Variants in CDC14A observed in about 807,000 individuals in gnomAD.
CDC14A encodes the protein cell division cycle 14A.
In CDC14A, 53 loss-of-function variants were observed where a neutral mutation model predicts 74.4. The observed-to-expected ratio is 0.71, with a 90% confidence interval of 0.57 to 0.89. The LOEUF is 0.89. CDC14A is among the 40% of genes least tolerant of loss of function. The pLI is 0.00. For synonymous variants in CDC14A, 247 were observed against 258.4 expected (o/e 0.96, Z 0.43); for missense variants, 646 against 713.7 (o/e 0.91, Z 1.08).
chr1:100,351,582 A>T (rs953072175), upstream of CDC14A: 5 of 624,320 alleles, frequency 8.0e-6, no homozygotes, highest in African/African-American at 9.2e-5. Flanking sequence ...CTTTGTGTTA[A>T]CCTTCCTCCT....
chr1:100,428,120 G>C (rs1663176858), intron 5 of CDC14A, among the ~76,000 whole-genome samples: 1 of 152,152 alleles, frequency 6.6e-6, no homozygotes, highest in Non-Finnish European at 1.5e-5. Flanking sequence ...TTCCTACTTA[G>C]ATTCTATTCA....
At chr1:100,495,879 C>G (rs1235364918) in intron 12 of CDC14A, 123 bp from the exon 13 acceptor site, 2 of 755,858 alleles carry the variant, frequency 2.6e-6, no homozygotes, top group East Asian at 2.5e-5. Flanking sequence ...TATCCATTTG[C>G]AAGGTTTCTC....
chr1:100,424,179 G>C (rs773785521), intron 4 of CDC14A, 43 bp from the exon 5 acceptor site: 35 of 1,437,200 alleles, frequency 2.4e-5, no homozygotes, highest in Non-Finnish European at 3.2e-5. Context: ...TTAGTTTTGT[G>C]TCATTCTTGG....
At chr1:100,405,055 A>G (rs1320860433) in intron 4 of CDC14A, among the ~76,000 whole-genome samples, 2 of 152,204 alleles carry the variant, frequency 1.3e-5, no homozygotes, top group Admixed American at 6.5e-5. Flanking sequence ...AATTCTTTCA[A>G]GAGTGGGTGT....
intron 3 of CDC14A, among the ~76,000 whole-genome samples, chr1:100,381,964 T>A (rs886404831): frequency 2.0e-5 from 3 of 152,144 alleles, no homozygotes; most frequent in African/African-American, 7.2e-5. Flanking sequence ...TCATCAATGA[T>A]TGATAGCCTT....
At chr1:100,460,755 C>G (rs1472111524) in intron 8 of CDC14A, among the ~76,000 whole-genome samples, 1 of 152,134 alleles carries the variant, frequency 6.6e-6, no homozygotes, top group African/African-American at 2.4e-5. Flanking sequence ...TCTGTTTTAC[C>G]TGTTTGCTCA....
At chr1:100,364,698 TA>T (rs1272102101) in intron 2 of CDC14A, among the ~76,000 whole-genome samples, 2 of 152,250 alleles carry the variant, frequency 1.3e-5, no homozygotes, top group Non-Finnish European at 2.9e-5. Flanking sequence ...ATAATGGAGT[TA>T]ATTTACACTG....
intron 10 of CDC14A, among the ~76,000 whole-genome samples, chr1:100,476,416 C>G (rs1668905117): frequency 6.6e-6 from 1 of 152,066 alleles, no homozygotes; most frequent in Non-Finnish European, 1.5e-5. Flanking sequence ...CCATTGCACT[C>G]CAGCCTGGGC....
intron 15 of CDC14A, among the ~76,000 whole-genome samples, chr1:100,504,201 A>G (rs765396178): frequency 6.6e-6 from 1 of 152,236 alleles, no homozygotes; most frequent in Non-Finnish European, 1.5e-5. Flanking sequence ...AACTATACAA[A>G]TAAGTGAAAC....
At chr1:100,351,800 CAG>C, upstream of CDC14A, 1 of 1,550,332 alleles carries the variant, frequency 6.5e-7, no homozygotes, top group East Asian at 2.4e-5. Context: ...CAAGTTATAT[CAG>C]AGTCTGGTAT....
At chr1:100,479,777 GCATT>G (rs368029308) in intron 10 of CDC14A, among the ~76,000 whole-genome samples, 1 of 152,122 alleles carries the variant, frequency 6.6e-6, no homozygotes, top group African/African-American at 2.4e-5. Context: ...AGTTACTGCT[GCATT>G]ATCTGATCCA....
At chr1:100,383,075 C>G (rs1656371404) in intron 3 of CDC14A, among the ~76,000 whole-genome samples, 1 of 152,172 alleles carries the variant, frequency 6.6e-6, no homozygotes, top group South Asian at 2.1e-4. Flanking sequence ...GAAAAGCAAG[C>G]TACATTCTGG....
chr1:100,391,819 C>G (rs1350314839), intron 4 of CDC14A, among the ~76,000 whole-genome samples: 1 of 152,252 alleles, frequency 6.6e-6, no homozygotes, highest in Non-Finnish European at 1.5e-5. Flanking sequence ...GAGTGGCAGA[C>G]TGTCAGCCAG....
intron 6 of CDC14A, among the ~76,000 whole-genome samples, chr1:100,440,313 G>A (rs1465060887): frequency 6.6e-6 from 1 of 152,154 alleles, no homozygotes; most frequent in Non-Finnish European, 1.5e-5. Context: ...TGATCTTGGT[G>A]TGGGAGAGTC....
intron 5 of CDC14A, among the ~76,000 whole-genome samples, chr1:100,430,112 G>A (rs1663479227): frequency 6.6e-6 from 1 of 152,042 alleles, no homozygotes; most frequent in Non-Finnish European, 1.5e-5. Flanking sequence ...AACACTCTGA[G>A]GCATATTTCC....
At chr1:100,451,498 C>G (rs542531183) in intron 7 of CDC14A, among the ~76,000 whole-genome samples, 2 of 152,340 alleles carry the variant, frequency 1.3e-5, no homozygotes, top group East Asian at 1.9e-4. Context: ...CAAATATTTA[C>G]TTTGCTTTAA....
chr1:100,348,282 A>G (rs904408238), upstream of CDC14A, among the ~76,000 whole-genome samples: 2 of 80,648 alleles, frequency 2.5e-5, no homozygotes, highest in African/African-American at 1.2e-4. Flanking sequence ...ACTCCATTTC[A>G]AAAAAAAAAA....
intron 4 of CDC14A, chr1:100,391,074 G>C (rs1336186445): frequency 1.3e-5 from 6 of 472,288 alleles, no homozygotes; most frequent in Non-Finnish European, 2.3e-5. Flanking sequence ...CAGTTATATA[G>C]GTATTTTAAT....
At chr1:100,352,443 G>A (rs1651182284), upstream of CDC14A, 7 of 1,006,132 alleles carry the variant, frequency 7.0e-6, no homozygotes, top group Non-Finnish European at 8.3e-6. Context: ...TCTGGGGGCG[G>A]ACCCAGGGGG....
Sources: allele counts gnomAD v4.1 joint callset (sites outside exome capture counted in the v4.1 genomes callset), GRCh38; gene constraint gnomAD v4.1.1; transcripts MANE v1.5; gene names NCBI Gene and HGNC (gene_info 2026-07-23, HGNC 2026-07-21).